ASB13: variants seen among roughly 807,000 people sequenced by gnomAD.
The protein encoded by ASB13 is ankyrin repeat and SOCS box containing 13.
A neutral mutation model predicts 28.8 loss-of-function variants in ASB13; 33 were observed. The ratio of observed to expected loss-of-function variants is 1.15; its 90% CI spans 0.87 to 1.53. The LOEUF is 1.53. ASB13 is among the 40% of genes most tolerant of loss of function. The pLI, the probability that ASB13 is intolerant of heterozygous loss-of-function variation, is 0.00. For synonymous variants in ASB13, 182 were observed against 172.9 expected, an observed-to-expected ratio of 1.05 and a Z score of -0.41; for missense variants, 414 against 390.1, an observed-to-expected ratio of 1.06 and a Z score of -0.52.
chr10:5,648,707 C>CACT (rs1298107121), intron 4 of ASB13, among the ~76,000 whole-genome samples: 1 of 150,862 alleles, frequency 6.6e-6, no homozygotes. Context: ...GGCAAACACC[C>CACT]CCGGGGGTAA....
rs1466147660 is a variant in ASB13 at position 5,651,124 on chromosome 10, C to T, written c.382+89G>A. On this transcript the variant is annotated intron_variant, in intron 3 of 5. Coordinates refer to ENST00000357700, the MANE Select transcript of ASB13 (RefSeq NM_024701.4). The surrounding 1 kb of genome is among the most constrained non-coding windows in gnomAD (Gnocchi z 5.1). ...AGCCAAGGGCTCCCAATTCTGTCTA[C>T]TCTGCTTCCTTCCCTAAGTCCCTTT... 88 of 1,476,042 alleles carry T rather than the reference C, an allele frequency of 6.0e-5. No homozygotes were observed. Among genetic ancestry groups the T allele is most frequent in the Middle Eastern group, 2.4e-4 (1 of 4,240 alleles). 91.4% of individuals were successfully genotyped at this position (1,476,042 alleles called of 1,614,324 possible).
chr10:5,651,581 T>C lies in ASB13; in HGVS notation c.232-218A>G, dbSNP rs1834986085. ...AGTCATCTCGTTCAGGATTCTTTTC[T>C]CTCAGGGCAGGATAAGCTCAGCAGC... is the stretch of plus-strand genomic sequence containing the variant. On this transcript the variant is annotated intron_variant, in intron 2 of 5. Coordinates refer to ENST00000357700, the MANE Select transcript of ASB13 (RefSeq NM_024701.4). This position sits in a 1 kb window ranked among gnomAD's most constrained non-coding sequence, Gnocchi z 5.1. 4 of 537,032 alleles carry C rather than the reference T, an allele frequency of 7.4e-6. No homozygotes were observed. The East Asian group carries it at 1.4e-4, about 19-fold the overall frequency. The allele number at this position is 537,032 out of a possible 1,614,324, so 33.3% of individuals were successfully genotyped here. A position where few individuals can be genotyped will look rare whatever the true frequency, so the allele number is the denominator to read the frequency against.
Position 5,660,904 on chromosome 10 carries a change from C to T in ASB13, c.43+5605G>A, listed in dbSNP as rs1835148728. 2.0e-5 allele frequency among the ~76,000 whole-genome samples: 3 copies of T among 152,202 alleles called. No homozygotes were observed. Among genetic ancestry groups the T allele is most frequent in the Admixed American group, 2.0e-4 (3 of 15,272 alleles). ...GCCTTGCAAGCCACCCAGCAGTGTG[C>T]CGGGCCATCTCGCCAGCTGGCTGCT... On this transcript the variant is annotated intron_variant, in intron 1 of 5. Coordinates refer to ENST00000357700, the MANE Select transcript of ASB13 (RefSeq NM_024701.4). The surrounding 1 kb of genome is among the most constrained non-coding windows in gnomAD (Gnocchi z 6.1).
At position 5,661,790 on chromosome 10, in the gene ASB13, G is replaced by A. The variant is rs1043058411; in HGVS notation, c.43+4719C>T. Among the ~76,000 whole-genome samples, 4 of 152,138 alleles carry A rather than the reference G, an allele frequency of 2.6e-5. No homozygotes were observed. Among genetic ancestry groups the A allele is most frequent in the African/African-American group, 4.8e-5 (2 of 41,446 alleles). Reference sequence around the variant, plus strand: ...CTGGGATTACAGGCATGAGCCCCAGGCCCAGCCCAGAATGCACTCTTAAAT... The same window carrying A: ...CTGGGATTACAGGCATGAGCCCCAGACCCAGCCCAGAATGCACTCTTAAAT... On this transcript the variant is annotated intron_variant, in intron 1 of 5. Transcript: ENST00000357700. The surrounding 1 kb of genome is among the most constrained non-coding windows in gnomAD (Gnocchi z 4.9).
rs551712516 is a variant in ASB13, at chr10:5,655,010, G to A, written c.44-1960C>T. ...CCCGCCACTTGGGAGGCTGAGGCAG[G>A]AGAATCACTTGAACCCGGGAGGCGG... On this transcript the variant is annotated intron_variant, in intron 1 of 5. Transcript: ENST00000357700. This position sits in a 1 kb window ranked among gnomAD's most constrained non-coding sequence, Gnocchi z 6.2. Among the ~76,000 whole-genome samples, 1 of 152,210 alleles carries A rather than the reference G, an allele frequency of 6.6e-6. No individual in the cohort carries two copies. Among genetic ancestry groups the A allele is most frequent in the East Asian group, 1.9e-4 (1 of 5,186 alleles).
At chr10:5,654,145 C>CTTTTTTTTTT (rs145949502) in intron 1 of ASB13, among the ~76,000 whole-genome samples, 6 of 128,766 alleles carry the variant, frequency 4.7e-5, no homozygotes, top group Non-Finnish European at 6.4e-5. Context: ...TTCTTTTTTT[C>CTTTTTTTTTT]TTTTTTTTTT....
At chr10:5,648,070 C>T (rs867498679) in intron 4 of ASB13, among the ~76,000 whole-genome samples, 7 of 151,204 alleles carry the variant, frequency 4.6e-5, no homozygotes, top group South Asian at 2.1e-4. Context: ...TAAACACCCA[C>T]GCAGGCAAAC....
chr10:5,648,635 TAAACACCCACGCGGGC>T (rs1235727492), intron 4 of ASB13, among the ~76,000 whole-genome samples: 4 of 122,060 alleles, frequency 3.3e-5, no homozygotes, highest in Non-Finnish European at 5.1e-5. Context: ...ACCACGCAGG[TAAACACCCACGCGGGC>T]AAACACCCAC....
At position 5,641,956 on chromosome 10, in the gene ASB13, T is replaced by C; in HGVS notation, c.523A>G (p.Asn175Asp). The C allele has an allele frequency of 1.2e-6, 2 of 1,602,430 alleles. No homozygotes were observed. Among genetic ancestry groups the C allele is most frequent in the Non-Finnish European group, 1.7e-6 (2 of 1,170,062 alleles). ...CVKVLLNAGA[N>D]VNAAKLHETA... ...TCATGAAGCTTTGCCGCATTCACGT[T>C]GGCCCCTGGAGGTCAAGAGTGCAGA... is the stretch of plus-strand genomic sequence containing the variant. Residue 175 changes from asparagine to aspartate, a missense_variant, in exon 5 of 6, where the codon AAC becomes GAC. Coordinates refer to ENST00000357700, the MANE Select transcript of ASB13 (RefSeq NM_024701.4). This position sits in a 1 kb window ranked among gnomAD's most constrained non-coding sequence, Gnocchi z 8.4.
chr10:5,648,949 CT>C lies in ASB13; in HGVS notation c.517+20del, dbSNP rs1834938788. The C allele has an allele frequency of 1.2e-6, 2 of 1,611,826 alleles. No homozygotes were observed. Among genetic ancestry groups the C allele is most frequent in the Admixed American group, 1.7e-5 (1 of 59,968 alleles). On this transcript the variant is annotated intron_variant, in intron 4 of 5. Coordinates refer to ENST00000357700, the MANE Select transcript of ASB13 (RefSeq NM_024701.4). ...AAACACCCACTCAGGTAAACACCCG[CT>C]CGGGCAAACACCCACTCACCTGCAT...
At chr10:5,643,644 T>A (rs1241185718) in intron 4 of ASB13, among the ~76,000 whole-genome samples, 3 of 152,242 alleles carry the variant, frequency 2.0e-5, no homozygotes, top group Admixed American at 2.0e-4. Flanking sequence ...CATAAGGGGT[T>A]TTCCTCCAGT....
At position 5,651,689 on chromosome 10, in the gene ASB13, C is replaced by G; in HGVS notation, c.232-326G>C. On this transcript the variant is annotated intron_variant, in intron 2 of 5. Transcript: ENST00000357700. This position sits in a 1 kb window ranked among gnomAD's most constrained non-coding sequence, Gnocchi z 5.1. ...TAGGCTGCAAGCTGGGAAAGGCAGG[C>G]TTTAAAAATGAGTTTTAAAAACCCT... 4.7e-6 allele frequency: 1 copy of G among 214,994 alleles called. No individual in the cohort carries two copies. Among genetic ancestry groups the G allele is most frequent in the Non-Finnish European group, 9.2e-6 (1 of 108,778 alleles). 13.3% of individuals were successfully genotyped at this position (214,994 alleles called of 1,614,324 possible). A position where few individuals can be genotyped will look rare whatever the true frequency, so the allele number is the denominator to read the frequency against.
At chr10:5,653,124 A>C in intron 1 of ASB13, 74 bp from the exon 2 acceptor site, 6 of 1,398,126 alleles carry the variant, frequency 4.3e-6, no homozygotes, top group Non-Finnish European at 5.8e-6. Context: ...GTAAGACTCC[A>C]GGGTCCCTGA....
In ASB13 at chr10:5,641,735, G is replaced by T. The variant is rs776841107; in HGVS notation, c.709+35C>A. 1 of 1,538,318 alleles carries T rather than the reference G, an allele frequency of 6.5e-7. No homozygotes were observed. Reference sequence around the variant, plus strand: ...ACGTCAGGGGTCCAGGCTGAAGGCTGGAGGGGATGGGGTGCGCTCGGTGGG... The same window carrying T: ...ACGTCAGGGGTCCAGGCTGAAGGCTTGAGGGGATGGGGTGCGCTCGGTGGG... On this transcript the variant is annotated intron_variant, in intron 5 of 5. Transcript: ENST00000357700. This position sits in a 1 kb window ranked among gnomAD's most constrained non-coding sequence, Gnocchi z 8.4.
rs77571230 is a variant in ASB13, at chr10:5,640,816, G to C, written c.724C>G (p.Leu242Val). The change falls in exon 6 of 6, where the codon CTG (leucine) becomes GTG (valine). Residue 242 changes from leucine (L) to valine (V), a missense_variant. Coordinates refer to ENST00000357700, the MANE Select transcript of ASB13 (RefSeq NM_024701.4). ...FEYYEKTPLT[L>V]SQLCRVNLRK... ...AAGTTCACCCTGCAGAGCTGTGACA[G>C]AGTCAGAGGTGTCTCTGAAAAAGGG... is the stretch of plus-strand genomic sequence containing the variant. 2 of 1,614,176 alleles carry C rather than the reference G, an allele frequency of 1.2e-6. No individual in the cohort carries two copies. Among genetic ancestry groups the C allele is most frequent in the East Asian group, 2.2e-5 (1 of 44,882 alleles).
Position 5,661,003 on chromosome 10 carries a change from G to T in ASB13, c.43+5506C>A, listed in dbSNP as rs1439685519. The stretch of plus-strand genomic sequence containing the variant: ...CCAGGATGTGAGTATTTAGACCAGG[G>T]AAAGCAGCAAAGCAGACTTTTATTT... On this transcript the variant is annotated intron_variant, in intron 1 of 5. Transcript: ENST00000357700. This position sits in a 1 kb window ranked among gnomAD's most constrained non-coding sequence, Gnocchi z 4.9. 1.3e-5 allele frequency among the ~76,000 whole-genome samples: 2 copies of T among 152,216 alleles called. No individual in the cohort carries two copies. The highest frequency in any genetic ancestry group is 4.8e-5 in the African/African-American group (2 of 41,456).
rs1192509842 is a variant in ASB13 at position 5,642,172 on chromosome 10, T to C, written c.518-211A>G. On this transcript the variant is annotated intron_variant, in intron 4 of 5. Transcript: ENST00000357700. The surrounding 1 kb of genome is among the most constrained non-coding windows in gnomAD (Gnocchi z 4.1). ...TGTCCCCACTCATGAGAGATAAAGG[T>C]AGGCAGCAATAATAAAGAAATAACT... Among the ~76,000 whole-genome samples, 1 of 151,936 alleles carries C rather than the reference T, an allele frequency of 6.6e-6. No homozygotes were observed. The highest frequency in any genetic ancestry group is 1.5e-5 in the Non-Finnish European group (1 of 67,972).
chr10:5,650,685 A>G lies in ASB13; in HGVS notation c.382+528T>C, dbSNP rs1429733371. Among the ~76,000 whole-genome samples, 2 of 152,234 alleles carry G rather than the reference A, an allele frequency of 1.3e-5. No homozygotes were observed. The highest frequency in any genetic ancestry group is 4.8e-5 in the African/African-American group (2 of 41,468). On this transcript the variant is annotated intron_variant, in intron 3 of 5. Transcript: ENST00000357700. The surrounding 1 kb of genome is among the most constrained non-coding windows in gnomAD (Gnocchi z 6.0). The stretch of plus-strand genomic sequence containing the variant: ...GGAGCTTCTGATGCAGTAAGATAGG[A>G]CAAGGAATGTTCCCCATGCTCGGGG...
chr10:5,664,410 C>A lies in ASB13; in HGVS notation c.43+2099G>T, dbSNP rs1466848747. ...TTAGGCATGGAGAACACCGAACCCA[C>A]AGGTAAACAAAAAGAACACCCGCCA... On this transcript the variant is annotated intron_variant, in intron 1 of 5. Transcript: ENST00000357700. This position sits in a 1 kb window ranked among gnomAD's most constrained non-coding sequence, Gnocchi z 4.2. 6.6e-6 allele frequency among the ~76,000 whole-genome samples: 1 copy of A among 152,088 alleles called. No individual in the cohort carries two copies. The highest frequency in any genetic ancestry group is 1.5e-5 in the Non-Finnish European group (1 of 68,024).
Sources: allele counts gnomAD v4.1 joint callset (sites outside exome capture counted in the v4.1 genomes callset), GRCh38; gene constraint gnomAD v4.1.1; non-coding constraint Gnocchi (gnomAD v3.1); transcripts MANE v1.5; gene names NCBI Gene and HGNC (gene_info 2026-07-23, HGNC 2026-07-21).